Variants in WWOX observed in about 807,000 individuals in gnomAD.
WWOX encodes the protein WW domain containing oxidoreductase, also known as WW domain-containing oxidoreductase.
WWOX carries 69 observed loss-of-function variants against 46.2 expected under a neutral mutation model. The observed-to-expected ratio is 1.49, with a 90% CI of 1.23 to 1.82. The LOEUF (loss-of-function observed/expected upper bound fraction) is 1.82. Ranked by LOEUF, WWOX falls within the 40% of genes most tolerant of loss-of-function variation. WWOX has a pLI of 0.00. For missense variants in WWOX, 919 were observed against 542.6 expected, an observed-to-expected ratio of 1.69 and a Z score of -6.89; for synonymous variants, 359 against 202.6, an observed-to-expected ratio of 1.77 and a Z score of -6.56.
At chr16:78,598,830 T>C (rs2045553654) in intron 8 of WWOX, among the ~76,000 whole-genome samples, 1 of 152,128 alleles carries the variant, frequency 6.6e-6, no homozygotes, top group African/African-American at 2.4e-5. Flanking sequence ...CTCTTCATTG[T>C]CCCCTTCATA....
chr16:78,936,726 T>C (rs1414765590), intron 8 of WWOX, among the ~76,000 whole-genome samples: 1 of 152,036 alleles, frequency 6.6e-6, no homozygotes, highest in African/African-American at 2.4e-5. Context: ...AATCACAGTT[T>C]CCAGAAAATG....
chr16:79,131,841 C>A (rs2049884592), intron 8 of WWOX, among the ~76,000 whole-genome samples: 1 of 152,078 alleles, frequency 6.6e-6, no homozygotes, highest in African/African-American at 2.4e-5. Context: ...CTGGGGAAGC[C>A]TTACAATCAT....
intron 8 of WWOX, among the ~76,000 whole-genome samples, chr16:78,983,268 G>C (rs1283859990): frequency 7.9e-5 from 12 of 152,190 alleles, no homozygotes. Flanking sequence ...GCTGAAGAAA[G>C]GAAGTGTCTG....
chr16:78,488,566 A>G (rs1311191821), intron 8 of WWOX, among the ~76,000 whole-genome samples: 1 of 152,108 alleles, frequency 6.6e-6, no homozygotes, highest in Non-Finnish European at 1.5e-5. Context: ...CCCTACCTGG[A>G]GCCTGGGTCC....
intron 8 of WWOX, among the ~76,000 whole-genome samples, chr16:78,801,442 G>A (rs1487377846): frequency 6.6e-6 from 1 of 152,174 alleles, no homozygotes; most frequent in African/African-American, 2.4e-5. Flanking sequence ...CCAGGAGGTA[G>A]AGGTTGCAGT....
rs573944448 is a variant in WWOX, at chr16:78,607,179, C to T, written c.1056+174427C>T. Reference sequence around the variant, plus strand: ...GAAAACAGAAAACACAATAAATACACAGTTAATAAAATACTTCATATTTTA... The same window carrying T: ...GAAAACAGAAAACACAATAAATACATAGTTAATAAAATACTTCATATTTTA... On this transcript the variant is annotated intron_variant, in intron 8 of 8. Coordinates refer to ENST00000566780, the MANE Select transcript of WWOX (RefSeq NM_016373.4). Among the ~76,000 whole-genome samples the T allele has an allele frequency of 2.0e-5, 3 of 152,112 alleles. No homozygotes were observed. The East Asian group carries it at 5.8e-4, about 29-fold the overall frequency.
At chr16:78,150,375 G>T (rs952466513) in intron 4 of WWOX, among the ~76,000 whole-genome samples, 13 of 152,056 alleles carry the variant, frequency 8.5e-5, no homozygotes, top group African/African-American at 2.4e-4. Context: ...TTAGGTTTTT[G>T]TTGTTGTTGT....
chr16:78,573,315 G>C (rs1382423337), intron 8 of WWOX, among the ~76,000 whole-genome samples: 1 of 152,096 alleles, frequency 6.6e-6, no homozygotes, highest in Non-Finnish European at 1.5e-5. Context: ...AAACAAAAAA[G>C]GTTTAAGAAA....
intron 8 of WWOX, chr16:78,994,290 A>G (rs1031341030): frequency 2.6e-5 from 4 of 152,162 alleles, no homozygotes; most frequent in African/African-American, 9.7e-5. Context: ...TTTTTAAGAA[A>G]TGAACATCAG....
chr16:78,706,377 G>A (rs1597469674), intron 8 of WWOX, among the ~76,000 whole-genome samples: 1 of 152,030 alleles, frequency 6.6e-6, no homozygotes, highest in African/African-American at 2.4e-5. Flanking sequence ...TAAATTAGAT[G>A]CCTTCTCCAG....
intron 8 of WWOX, among the ~76,000 whole-genome samples, chr16:79,189,718 G>C (rs571101296): frequency 1.2e-4 from 18 of 152,110 alleles, no homozygotes. Context: ...ATGGAGCAAG[G>C]GAGGGGTTTC....
chr16:79,073,150 G>GTTATTA (rs58438039), intron 8 of WWOX, among the ~76,000 whole-genome samples: 24,344 of 142,878 alleles, frequency 0.17, 2,281 homozygotes, highest in East Asian at 0.37. Context: ...GTAGTTATTC[G>GTTATTA]TTATTATTAT....
chr16:78,626,890 A>T (rs1043547452), intron 8 of WWOX, among the ~76,000 whole-genome samples: 12 of 151,812 alleles, frequency 7.9e-5, no homozygotes, highest in African/African-American at 2.4e-4. Flanking sequence ...TTGTTGCTTA[A>T]ATTTTTCCAG....
At chr16:78,852,079 T>C (rs2052457773) in intron 8 of WWOX, among the ~76,000 whole-genome samples, 1 of 152,310 alleles carries the variant, frequency 6.6e-6, no homozygotes, top group East Asian at 1.9e-4. Context: ...AAGATGACTT[T>C]TCATTCTCTC....
intron 8 of WWOX, among the ~76,000 whole-genome samples, chr16:78,976,920 G>A (rs1306167959): frequency 2.0e-5 from 3 of 152,024 alleles, no homozygotes; most frequent in African/African-American, 4.8e-5. Context: ...TTTTTCTCAG[G>A]GCCATCAGAA....
chr16:79,163,116 G>A (rs1348273241), intron 8 of WWOX, among the ~76,000 whole-genome samples: 1 of 152,182 alleles, frequency 6.6e-6, no homozygotes, highest in Non-Finnish European at 1.5e-5. Context: ...TTTGTGTGCA[G>A]GAGATGGCTC....
chr16:78,936,228 T>C (rs2045734307), intron 8 of WWOX, among the ~76,000 whole-genome samples: 1 of 152,050 alleles, frequency 6.6e-6, no homozygotes, highest in East Asian at 1.9e-4. Flanking sequence ...TGACTTTTGG[T>C]ATTTGCTGTG....
chr16:78,517,799 G>T (rs2043268376), intron 8 of WWOX, among the ~76,000 whole-genome samples: 1 of 146,776 alleles, frequency 6.8e-6, no homozygotes, highest in African/African-American at 2.5e-5. Context: ...GATTAAGAGT[G>T]ATGTCGTTTT....
chr16:78,614,298 G>A (rs1317301224), intron 8 of WWOX, among the ~76,000 whole-genome samples: 1 of 152,230 alleles, frequency 6.6e-6, no homozygotes, highest in Non-Finnish European at 1.5e-5. Flanking sequence ...GCACAAAGCA[G>A]AGGGAATCAA....
Sources: gnomAD v4.1 joint callset for allele counts (sites outside exome capture counted in the v4.1 genomes callset) on GRCh38, gnomAD v4.1.1 for gene constraint, MANE v1.5 for transcripts, NCBI Gene and HGNC (gene_info 2026-07-23, HGNC 2026-07-21) for gene names.